WDPCP: variants seen among roughly 807,000 people sequenced by gnomAD.
The protein encoded by WDPCP is WD repeat-containing and planar cell polarity effector protein fritz homolog.
Under a neutral mutation model 93.1 loss-of-function variants are expected in WDPCP, and 71 were observed. The ratio of observed to expected loss-of-function variants is 0.76; its 90% CI spans 0.63 to 0.93. The LOEUF (loss-of-function observed/expected upper bound fraction) is 0.93. Ranked by LOEUF, WDPCP falls within the 40% of genes least tolerant of loss-of-function variation. The pLI is 0.00. For synonymous variants in WDPCP, 315 were observed against 315.0 expected (o/e 1.00, Z 0.00); for missense variants, 844 against 887.4 (o/e 0.95, Z 0.62).
At chr2:63,803,711 C>T (rs1229569697) in intron 2 of WDPCP, among the ~76,000 whole-genome samples, 1 of 152,014 alleles carries the variant, frequency 6.6e-6, no homozygotes, top group East Asian at 1.9e-4. Flanking sequence ...ATTAACTTAC[C>T]TATTTATTAT....
At chr2:63,640,694 T>C (rs913938890) in intron 3 of WDPCP, among the ~76,000 whole-genome samples, 2 of 152,266 alleles carry the variant, frequency 1.3e-5, no homozygotes, top group African/African-American at 2.4e-5. Context: ...TGTGGGTACA[T>C]AGTAAGTGTA....
At chr2:63,688,375 C>G (rs543230964) in intron 2 of WDPCP, among the ~76,000 whole-genome samples, 1 of 151,342 alleles carries the variant, frequency 6.6e-6, no homozygotes, top group Non-Finnish European at 1.5e-5. Context: ...CGCAGTGAGC[C>G]GAGATCGCTC....
At chr2:63,370,470 A>G (rs7571697) in intron 12 of WDPCP, among the ~76,000 whole-genome samples, 121,737 of 152,078 alleles carry the variant, frequency 0.8, 49,581 homozygotes, top group East Asian at 0.96. Context: ...GAATGTCATC[A>G]TAATGGATCA....
intron 2 of WDPCP, among the ~76,000 whole-genome samples, chr2:63,785,406 AT>A (rs201358139): frequency 6.6e-6 from 1 of 150,926 alleles, no homozygotes; most frequent in Non-Finnish European, 1.5e-5. Flanking sequence ...GGGTAGTGTC[AT>A]TTTTTTTTAG....
Position 63,308,021 on chromosome 2 carries a change from A to C in WDPCP, c.1812+5227T>G, listed in dbSNP as rs553473170. Among the ~76,000 whole-genome samples, 12 of 151,774 alleles carry C rather than the reference A, an allele frequency of 7.9e-5. No homozygotes were observed. The South Asian group carries it at 2.3e-3, about 29-fold the overall frequency. On this transcript the variant is annotated intron_variant, in intron 13 of 17. Coordinates refer to ENST00000272321, the MANE Select transcript of WDPCP (RefSeq NM_015910.7). ...CCAAGAACTTAAACACAAAGAAATT[A>C]AACAAAGAACTTAAACAAATGTACA...
At chr2:63,452,661 C>T (rs531999715) in intron 6 of WDPCP, among the ~76,000 whole-genome samples, 1 of 152,278 alleles carries the variant, frequency 6.6e-6, no homozygotes, top group African/African-American at 2.4e-5. Context: ...AAGAATAAAG[C>T]TGGAGGCATC....
At chr2:63,709,712 A>T (rs943932090) in intron 2 of WDPCP, among the ~76,000 whole-genome samples, 2 of 152,226 alleles carry the variant, frequency 1.3e-5, no homozygotes, top group African/African-American at 4.8e-5. Context: ...TGATTTAATT[A>T]GCATATTTTC....
chr2:63,143,352 G>T (rs1410996326), intron 17 of WDPCP, among the ~76,000 whole-genome samples: 2 of 152,142 alleles, frequency 1.3e-5, no homozygotes, highest in Non-Finnish European at 2.9e-5. Flanking sequence ...CAGAGAGTTG[G>T]TTGGTGAGTT....
At chr2:63,437,619 T>C (rs922835633) in intron 7 of WDPCP, 65 bp from the exon 8 acceptor site, 5 of 1,427,936 alleles carry the variant, frequency 3.5e-6, no homozygotes, top group African/African-American at 2.9e-5. Flanking sequence ...TCCACTGATA[T>C]GTTACAAAAA....
At chr2:63,432,244 G>A (rs892077735) in intron 9 of WDPCP, among the ~76,000 whole-genome samples, 1 of 152,102 alleles carries the variant, frequency 6.6e-6, no homozygotes, top group African/African-American at 2.4e-5. Context: ...TGTGTGCCAA[G>A]CTCATATTTA....
At chr2:63,401,809 A>C (rs1694174463) in intron 10 of WDPCP, among the ~76,000 whole-genome samples, 1 of 152,128 alleles carries the variant, frequency 6.6e-6, no homozygotes, top group South Asian at 2.1e-4. Context: ...TGTCTCAAAA[A>C]AAAGGTCAAG....
chr2:63,487,379 A>C, intron 3 of WDPCP, 68 bp downstream of exon 3: 2 of 1,128,478 alleles, frequency 1.8e-6, no homozygotes, highest in Admixed American at 1.9e-5. Context: ...AGAGCTTTTA[A>C]TGGTCAGTAT....
intron 1 of WDPCP, among the ~76,000 whole-genome samples, chr2:63,575,439 G>GTATACAC (rs1402088527): frequency 1.1e-5 from 1 of 91,994 alleles, no homozygotes; most frequent in Admixed American, 1.0e-4. Flanking sequence ...TGTATATACA[G>GTATACAC]TGTATACACT....
intron 2 of WDPCP, among the ~76,000 whole-genome samples, chr2:63,759,347 C>T (rs1670018804): frequency 6.6e-6 from 1 of 152,118 alleles, no homozygotes. Context: ...CATGGAAAGT[C>T]TTGTCACAGC....
chr2:63,556,947 C>A (rs1408439622), intron 1 of WDPCP, among the ~76,000 whole-genome samples: 2 of 152,176 alleles, frequency 1.3e-5, no homozygotes, highest in Non-Finnish European at 2.9e-5. Flanking sequence ...GAAATAAAAT[C>A]CTTTTTGGAT....
intron 1 of WDPCP, among the ~76,000 whole-genome samples, chr2:63,547,674 T>C (rs534840459): frequency 6.6e-6 from 1 of 151,412 alleles, no homozygotes; most frequent in South Asian, 2.1e-4. Flanking sequence ...GAGGTCATCA[T>C]GTTAGTGAAG....
At chr2:63,325,126 G>C (rs2104228752) in intron 12 of WDPCP, among the ~76,000 whole-genome samples, 2 of 152,262 alleles carry the variant, frequency 1.3e-5, no homozygotes, top group Non-Finnish European at 2.9e-5. Flanking sequence ...AGAGGAACAG[G>C]CCCAAAAGGA....
chr2:63,441,655 G>C (rs559942613), intron 6 of WDPCP: 1 of 151,904 alleles, frequency 6.6e-6, no homozygotes, highest in African/African-American at 2.4e-5. Flanking sequence ...AAAAAACTTG[G>C]TCTAATTTTC....
intron 3 of WDPCP, among the ~76,000 whole-genome samples, chr2:63,630,865 A>C (rs1461565375): frequency 1.3e-5 from 2 of 152,224 alleles, no homozygotes; most frequent in African/African-American, 4.8e-5. Context: ...AAACCTCAAC[A>C]AATTTAAAAG....
Sources: gnomAD v4.1 joint callset for allele counts (sites outside exome capture counted in the v4.1 genomes callset) on GRCh38, gnomAD v4.1.1 for gene constraint, MANE v1.5 for transcripts, NCBI Gene and HGNC (gene_info 2026-07-23, HGNC 2026-07-21) for gene names.